The following RAPGEF6 variants were observed in gnomAD, a reference collection of about 807,000 sequenced individuals.
RAPGEF6 encodes PDZ domain containing guanine nucleotide exchange factor (GEF) 2.
Under a neutral mutation model 171.4 loss-of-function variants are expected in RAPGEF6, and 56 were observed. The ratio of observed to expected loss-of-function variants is 0.33; its 90% CI spans 0.26 to 0.41. The LOEUF (loss-of-function observed/expected upper bound fraction) is 0.41, where lower values mean the gene tolerates loss of function less well. Ranked by LOEUF, RAPGEF6 falls within the 10% of genes least tolerant of loss-of-function variation. RAPGEF6 has a pLI of 1.00. For missense variants in RAPGEF6, 1,674 were observed against 1,921.4 expected (o/e 0.87, Z 2.41); for synonymous variants, 692 against 650.1 (o/e 1.06, Z -0.98).
intron 4 of RAPGEF6, 148 bp downstream of exon 4, chr5:131,592,235 A>G (rs760915851): frequency 3.0e-6 from 4 of 1,315,294 alleles, no homozygotes; most frequent in Non-Finnish European, 4.1e-6. Context: ...GAAATAACAA[A>G]AGATTAACTG....
chr5:131,474,406 C>A (rs1168019054), intron 16 of RAPGEF6, among the ~76,000 whole-genome samples: 1 of 152,040 alleles, frequency 6.6e-6, no homozygotes, highest in African/African-American at 2.4e-5. Context: ...GCAGAGGTTG[C>A]AGAGAGCAGC....
intron 1 of RAPGEF6, among the ~76,000 whole-genome samples, chr5:131,620,828 G>A (rs186588582): frequency 5.3e-5 from 8 of 152,320 alleles, no homozygotes; most frequent in Admixed American, 5.2e-4. Flanking sequence ...CTGGCCTCAA[G>A]TGATCTGCCC....
At chr5:131,607,651 C>T (rs1179306799) in intron 1 of RAPGEF6, among the ~76,000 whole-genome samples, 1 of 152,096 alleles carries the variant, frequency 6.6e-6, no homozygotes, top group Admixed American at 6.6e-5. Context: ...GCTGATTGGA[C>T]AGAATGAATA....
intron 2 of RAPGEF6, 97 bp from the exon 3 acceptor site, chr5:131,603,424 A>G (rs548763207): frequency 4.1e-4 from 325 of 790,588 alleles, no homozygotes; most frequent in Non-Finnish European, 5.9e-4. Flanking sequence ...ATTGATTGTT[A>G]GAAAATGACC....
Position 131,429,220 on chromosome 5 carries a change from G to T in RAPGEF6, c.4466-4C>A. 6.5e-7 allele frequency: 1 copy of T among 1,546,260 alleles called. No homozygotes were observed. The highest frequency in any genetic ancestry group is 8.8e-7 in the Non-Finnish European group (1 of 1,142,220). ...TTGGGTGAGGTGACACAGTACACTG[G>T]CATGAAAAATAAGCAATGAAAATGT... is the stretch of plus-strand genomic sequence containing the variant. On this transcript the variant is annotated splice_polypyrimidine_tract_variant and splice_region_variant and intron_variant, in intron 26 of 27. Transcript: ENST00000509018.
In RAPGEF6 at chr5:131,619,300, AC is replaced by A. The variant is rs967378390; in HGVS notation, c.70-14608del. Among the ~76,000 whole-genome samples, 203 of 151,842 alleles carry A rather than the reference AC, an allele frequency of 1.3e-3. 1 individual carries two copies. The highest frequency in any genetic ancestry group is 4.6e-3 in the African/African-American group (192 of 41,462). On this transcript the variant is annotated intron_variant, in intron 1 of 27. Coordinates refer to ENST00000509018, the MANE Select transcript of RAPGEF6 (RefSeq NM_016340.6). The stretch of plus-strand genomic sequence containing the variant: ...GGACACATGGAGGGGAACATCACAC[AC>A]CAGGGCCTGTTGCGGCGGGGCTGGA...
chr5:131,431,370 C>T (rs750007610), intron 25 of RAPGEF6, 21 bp from the exon 26 acceptor site: 1 of 1,565,864 alleles, frequency 6.4e-7, no homozygotes, highest in Non-Finnish European at 8.7e-7. Flanking sequence ...AGATAACGTA[C>T]AATTAGAAGG....
At position 131,566,835 on chromosome 5, in the gene RAPGEF6, G is replaced by A. The variant is rs113230269; in HGVS notation, c.282-4788C>T. 6.5e-3 allele frequency among the ~76,000 whole-genome samples: 979 copies of A among 151,562 alleles called. 6 individuals carry two copies. The highest frequency in any genetic ancestry group is 0.023 in the African/African-American group (930 of 41,300). ...CATAAATTTCCTTTGTAGGCCGGGC[G>A]CGGTGGCTGACACCTATAATCCCAG... On this transcript the variant is annotated intron_variant, in intron 4 of 27. Coordinates refer to ENST00000509018, the MANE Select transcript of RAPGEF6 (RefSeq NM_016340.6).
chr5:131,512,193 C>A (rs534048075), intron 7 of RAPGEF6, among the ~76,000 whole-genome samples: 3 of 152,020 alleles, frequency 2.0e-5, no homozygotes, highest in Non-Finnish European at 4.4e-5. Flanking sequence ...GCATTTGTGA[C>A]AGAAAGTGTC....
intron 15 of RAPGEF6, 61 bp from the exon 16 acceptor site, chr5:131,479,814 CA>C: frequency 6.5e-7 from 1 of 1,537,836 alleles, no homozygotes; most frequent in Non-Finnish European, 8.8e-7. Context: ...TTTATACCAA[CA>C]ACAAATTTTA....
At chr5:131,598,793 T>C (rs1448952383) in intron 3 of RAPGEF6, among the ~76,000 whole-genome samples, 1 of 152,210 alleles carries the variant, frequency 6.6e-6, no homozygotes, top group African/African-American at 2.4e-5. Flanking sequence ...ACAACGTCAT[T>C]TCTCTCTGAA....
intron 4 of RAPGEF6, among the ~76,000 whole-genome samples, chr5:131,586,267 T>C (rs2149997210): frequency 6.6e-6 from 1 of 152,322 alleles, no homozygotes; most frequent in East Asian, 1.9e-4. Flanking sequence ...AGGTTTCTTA[T>C]TCAGAATATA....
chr5:131,447,717 T>C (rs1418729879), intron 21 of RAPGEF6, among the ~76,000 whole-genome samples: 1 of 152,220 alleles, frequency 6.6e-6, no homozygotes, highest in African/African-American at 2.4e-5. Context: ...TGCTCATATA[T>C]CTACTTTAAA....
At chr5:131,616,762 G>A (rs565424291) in intron 1 of RAPGEF6, among the ~76,000 whole-genome samples, 20 of 151,822 alleles carry the variant, frequency 1.3e-4, no homozygotes, top group African/African-American at 4.6e-4. Context: ...ACTCTCGAGT[G>A]TGCCACCACC....
chr5:131,447,361 T>C (rs540833992), intron 21 of RAPGEF6: 1 of 152,376 alleles, frequency 6.6e-6, no homozygotes, highest in African/African-American at 2.4e-5. Context: ...TAGGCAATAT[T>C]TGGGTTCTAG....
intron 1 of RAPGEF6, among the ~76,000 whole-genome samples, chr5:131,628,406 A>C (rs1318411637): frequency 6.6e-6 from 1 of 152,230 alleles, no homozygotes; most frequent in Non-Finnish European, 1.5e-5. Flanking sequence ...GCAAGGCCCT[A>C]ACTTTTCAAT....
At chr5:131,558,895 A>G (rs1761414749) in intron 5 of RAPGEF6, among the ~76,000 whole-genome samples, 1 of 152,174 alleles carries the variant, frequency 6.6e-6, no homozygotes, top group African/African-American at 2.4e-5. Context: ...TGCACTTGAA[A>G]AGTAGGCGTA....
intron 26 of RAPGEF6, among the ~76,000 whole-genome samples, chr5:131,429,906 TG>T (rs1751594665): frequency 6.6e-6 from 1 of 151,828 alleles, no homozygotes. Context: ...AAAAATTAGC[TG>T]GGCATGGTGG....
At chr5:131,608,660 G>A (rs1352238319) in intron 1 of RAPGEF6, among the ~76,000 whole-genome samples, 2 of 152,112 alleles carry the variant, frequency 1.3e-5, no homozygotes, top group Non-Finnish European at 2.9e-5. Flanking sequence ...TGGGTCATGC[G>A]GGTGGATCCC....
Sources: allele counts gnomAD v4.1 joint callset (sites outside exome capture counted in the v4.1 genomes callset), GRCh38; gene constraint gnomAD v4.1.1; transcripts MANE v1.5; gene names NCBI Gene and HGNC (gene_info 2026-07-23, HGNC 2026-07-21).